Variants in NEIL3 observed in about 807,000 individuals in gnomAD.
The protein encoded by NEIL3 is nei like DNA glycosylase 3.
In NEIL3, 48 loss-of-function variants were observed where a neutral mutation model predicts 57.5. The ratio of observed to expected loss-of-function variants is 0.83; its 90% CI spans 0.66 to 1.06. NEIL3 has a LOEUF of 1.06. Among genes scored for constraint, NEIL3 ranks in the 50% least tolerant of loss-of-function variants. The probability of loss-of-function intolerance (pLI) is 0.00; values close to 1 mark genes in which losing one functional copy is unlikely to be tolerated. For missense variants in NEIL3, 717 were observed against 739.1 expected (o/e 0.97, Z 0.35); for synonymous variants, 261 against 253.2 (o/e 1.03, Z -0.29).
chr4:177,360,750 A>G (rs933008194), intron 9 of NEIL3, 73 bp downstream of exon 9: 3 of 1,170,896 alleles, frequency 2.6e-6, no homozygotes, highest in Non-Finnish European at 2.4e-6. Context: ...ACAAATAGCA[A>G]TACTTTCCTA....
intron 2 of NEIL3, among the ~76,000 whole-genome samples, chr4:177,330,908 G>A (rs1278767342): frequency 1.3e-5 from 2 of 152,066 alleles, no homozygotes; most frequent in Admixed American, 1.3e-4. Context: ...GCCACATGTG[G>A]GTAGTGGCTG....
chr4:177,321,782 G>C (rs932039149), intron 1 of NEIL3, among the ~76,000 whole-genome samples: 14 of 152,112 alleles, frequency 9.2e-5, no homozygotes, highest in Admixed American at 8.5e-4. Context: ...TACTCAGGGG[G>C]CCGCAGGTTT....
chr4:177,333,838 G>T (rs1560912785), intron 2 of NEIL3, among the ~76,000 whole-genome samples: 1 of 151,914 alleles, frequency 6.6e-6, no homozygotes. Flanking sequence ...CTTGGGACAG[G>T]TGTCCATTTC....
intron 6 of NEIL3, 63 bp downstream of exon 6, chr4:177,341,705 CT>C: frequency 7.3e-7 from 1 of 1,378,698 alleles, no homozygotes. Flanking sequence ...GGCTAATAAT[CT>C]GAGAATATAA....
intron 1 of NEIL3, among the ~76,000 whole-genome samples, chr4:177,311,804 C>T (rs1734479836): frequency 6.6e-6 from 1 of 151,806 alleles, no homozygotes; most frequent in Non-Finnish European, 1.5e-5. Context: ...GAGTCGACTG[C>T]AGAAATCCAG....
intron 2 of NEIL3, among the ~76,000 whole-genome samples, chr4:177,330,057 G>A (rs1051484907): frequency 5.3e-5 from 8 of 152,056 alleles, no homozygotes; most frequent in African/African-American, 1.9e-4. Flanking sequence ...GATTACAGAC[G>A]CCTGCTACCA....
At chr4:177,320,328 G>A (rs540729022) in intron 1 of NEIL3, among the ~76,000 whole-genome samples, 1 of 152,148 alleles carries the variant, frequency 6.6e-6, no homozygotes, top group Non-Finnish European at 1.5e-5. Flanking sequence ...CCCAGTGCTT[G>A]ATAATTATTG....
intron 6 of NEIL3, among the ~76,000 whole-genome samples, chr4:177,342,566 T>A (rs1306713328): frequency 6.6e-6 from 1 of 152,184 alleles, no homozygotes; most frequent in Non-Finnish European, 1.5e-5. Context: ...GAGGTTTCTA[T>A]GTGCAGGAAG....
intron 2 of NEIL3, among the ~76,000 whole-genome samples, chr4:177,323,277 G>A (rs1044320351): frequency 1.3e-5 from 2 of 152,158 alleles, no homozygotes; most frequent in African/African-American, 4.8e-5. Context: ...TTTAGCCTAA[G>A]CTTTTGCCAA....
chr4:177,324,060 C>T (rs969891121), intron 2 of NEIL3, among the ~76,000 whole-genome samples: 4 of 152,118 alleles, frequency 2.6e-5, no homozygotes, highest in East Asian at 1.9e-4. Flanking sequence ...GGAATCTGAA[C>T]CTAAAATCAT....
In NEIL3 at chr4:177,353,587, T is replaced by A; in HGVS notation, c.1319T>A (p.Ile440Lys). The A allele has an allele frequency of 6.2e-7, 1 of 1,613,218 alleles. No individual in the cohort carries two copies. Among genetic ancestry groups the A allele is most frequent in the Non-Finnish European group, 8.5e-7 (1 of 1,179,392 alleles). ...QHPSKKTTND[I>K]TQPSSKVNIS... ...CCCTCCAAGAAGACAACAAACGATA[T>A]AACTCAACCATCCAGCAAAGTAAAC... Residue 440 changes from isoleucine (I) to lysine (K), a missense_variant, in exon 8 of 10, where the codon ATA becomes AAA. Transcript: ENST00000264596.
intron 6 of NEIL3, 60 bp downstream of exon 6, chr4:177,341,702 A>C: frequency 1.4e-6 from 2 of 1,390,718 alleles, no homozygotes; most frequent in Non-Finnish European, 2.0e-6. Flanking sequence ...AAAGGCTAAT[A>C]ATCTGAGAAT....
chr4:177,320,762 G>T (rs1044818204), intron 1 of NEIL3, among the ~76,000 whole-genome samples: 1 of 151,854 alleles, frequency 6.6e-6, no homozygotes, highest in East Asian at 1.9e-4. Context: ...CCACCGCGCC[G>T]GGCCTGCTGT....
chr4:177,344,469 A>G (rs1326177596), intron 6 of NEIL3, among the ~76,000 whole-genome samples: 1 of 152,148 alleles, frequency 6.6e-6, no homozygotes, highest in African/African-American at 2.4e-5. Flanking sequence ...CTGAAAGCTT[A>G]CTGAACTCAT....
intron 1 of NEIL3, among the ~76,000 whole-genome samples, chr4:177,313,615 A>G (rs973195213): frequency 2.0e-5 from 3 of 152,230 alleles, no homozygotes; most frequent in African/African-American, 4.8e-5. Flanking sequence ...GGTGGATACA[A>G]TATTTTAGTG....
chr4:177,364,456 T>C (rs10025089), downstream of NEIL3, among the ~76,000 whole-genome samples: 3,183 of 152,190 alleles, frequency 0.021, 114 homozygotes, highest in African/African-American at 0.071. Flanking sequence ...AAACCTGAAG[T>C]ATTTCTCATC....
intron 5 of NEIL3, among the ~76,000 whole-genome samples, chr4:177,340,634 T>C (rs1235225242): frequency 6.6e-6 from 1 of 152,160 alleles, no homozygotes; most frequent in African/African-American, 2.4e-5. Context: ...TACTTCTTCC[T>C]CCAGAAAAAG....
Position 177,310,076 on chromosome 4 carries a change from G to C in NEIL3, c.123G>C (p.Arg41=). ...ALRSLQGRAL[R]LAASTVVVSP... Reference sequence around the variant, plus strand: ...GGAGTCTGCAGGGCCGCGCCTTGCGGCTCGCAGCCTCCACGGTTGTGGTCT... The same window carrying C: ...GGAGTCTGCAGGGCCGCGCCTTGCGCCTCGCAGCCTCCACGGTTGTGGTCT... The change falls in exon 1 of 10, where the codon CGG becomes CGC. Residue 41 remains arginine (R), a synonymous_variant. Transcript: ENST00000264596. The C allele has an allele frequency of 6.3e-7, 1 of 1,597,266 alleles. No individual in the cohort carries two copies. The highest frequency in any genetic ancestry group is 8.5e-7 in the Non-Finnish European group (1 of 1,173,182).
chr4:177,311,380 A>G (rs1173125956), intron 1 of NEIL3, among the ~76,000 whole-genome samples: 1 of 152,146 alleles, frequency 6.6e-6, no homozygotes, highest in Non-Finnish European at 1.5e-5. Flanking sequence ...GGGAAGTAGC[A>G]AAGCTGAGGT....
Sources: allele counts gnomAD v4.1 joint callset (sites outside exome capture counted in the v4.1 genomes callset), GRCh38; gene constraint gnomAD v4.1.1; transcripts MANE v1.5; gene names NCBI Gene and HGNC (gene_info 2026-07-23, HGNC 2026-07-21).